Variants in STXBP5L observed in about 807,000 individuals in gnomAD.
The protein encoded by STXBP5L is syntaxin binding protein 5L.
Under a neutral mutation model 144.5 loss-of-function variants are expected in STXBP5L, and 65 were observed. The ratio of observed to expected loss-of-function variants is 0.45; its 90% CI spans 0.37 to 0.55. STXBP5L has a LOEUF of 0.55. Among genes scored for constraint, STXBP5L ranks in the 20% least tolerant of loss-of-function variants. STXBP5L has a pLI of 0.00. For synonymous variants in STXBP5L, 505 were observed against 469.6 expected (o/e 1.08, Z -0.97); for missense variants, 1,298 against 1,405.5 (o/e 0.92, Z 1.22).
intron 18 of STXBP5L, among the ~76,000 whole-genome samples, chr3:121,272,707 G>C (rs113128758): frequency 6.6e-6 from 1 of 152,118 alleles, no homozygotes; most frequent in Non-Finnish European, 1.5e-5. Context: ...TGCTTGCTGT[G>C]TTCCCTTGTG....
chr3:120,967,550 A>G (rs1939749304), intron 3 of STXBP5L, among the ~76,000 whole-genome samples: 1 of 152,044 alleles, frequency 6.6e-6, no homozygotes, highest in Non-Finnish European at 1.5e-5. Flanking sequence ...TTATTTTTTC[A>G]AAACATCATT....
chr3:121,325,864 T>C (rs1443245171), intron 20 of STXBP5L, among the ~76,000 whole-genome samples: 1 of 151,942 alleles, frequency 6.6e-6, no homozygotes, highest in East Asian at 1.9e-4. Flanking sequence ...AAATTATGGC[T>C]AAGAAAAGAT....
At chr3:120,963,275 C>A (rs1002376193) in intron 3 of STXBP5L, among the ~76,000 whole-genome samples, 2 of 152,128 alleles carry the variant, frequency 1.3e-5, no homozygotes, top group African/African-American at 4.8e-5. Flanking sequence ...ATTTCTTTCT[C>A]TTGTTTGATT....
At chr3:121,167,533 T>TCC (rs1402824597) in intron 9 of STXBP5L, among the ~76,000 whole-genome samples, 2 of 152,060 alleles carry the variant, frequency 1.3e-5, no homozygotes, top group Non-Finnish European at 2.9e-5. Flanking sequence ...TAGGCTGTTT[T>TCC]CCCCTCAGAG....
chr3:121,319,476 T>C (rs2043897442), intron 20 of STXBP5L, among the ~76,000 whole-genome samples: 2 of 152,182 alleles, frequency 1.3e-5, no homozygotes, highest in South Asian at 4.1e-4. Context: ...AGGCTATGTA[T>C]AATCTAGTTA....
rs189471869 is a variant in STXBP5L, at chr3:121,185,322, T to C, written c.878-20601T>C. Among the ~76,000 whole-genome samples, 83 of 152,366 alleles carry C rather than the reference T, an allele frequency of 5.4e-4. 3 individuals are homozygous for C. In the East Asian group the frequency reaches 0.012, roughly 23 times the overall value. ...TTTAATTAGATCCCATTTGTCAATT[T>C]TGGCTTTTATTGCCATTGCTTTTGG... On this transcript the variant is annotated intron_variant, in intron 9 of 26. Coordinates refer to ENST00000471454, the MANE Select transcript of STXBP5L (RefSeq NM_001308330.2).
At chr3:120,969,316 ATGTT>A (rs1461058544) in intron 3 of STXBP5L, among the ~76,000 whole-genome samples, 1 of 146,470 alleles carries the variant, frequency 6.8e-6, no homozygotes, top group African/African-American at 2.5e-5. Flanking sequence ...GTTTTTTCAT[ATGTT>A]TGTTGGTTGG....
Position 121,045,533 on chromosome 3 carries a change from A to G in STXBP5L, c.468A>G (p.Glu156=). 5 of 1,608,182 alleles carry G rather than the reference A, an allele frequency of 3.1e-6. No individual in the cohort carries two copies. Among genetic ancestry groups the G allele is most frequent in the South Asian group, 1.1e-5 (1 of 89,308 alleles). ...AILHSLKFNR[E]RITYCHLPFQ... is the part of the protein sequence containing the mutation. ...TCCATTCTCTTAAATTTAACCGGGA[A>G]CGGTAAGAACCTATGAATTAAACAA... The change falls in exon 5 of 27, where the codon GAA becomes GAG. Residue 156 remains glutamate (E), a splice_region_variant and synonymous_variant. Transcript: ENST00000471454.
chr3:121,359,961 G>A (rs1472302119), intron 20 of STXBP5L, among the ~76,000 whole-genome samples: 4 of 59,478 alleles, frequency 6.7e-5, no homozygotes, highest in Non-Finnish European at 1.5e-4. Flanking sequence ...GTCTTTTGTG[G>A]TTATACATAT....
intron 5 of STXBP5L, among the ~76,000 whole-genome samples, chr3:121,067,515 G>A (rs925237121): frequency 6.6e-6 from 1 of 152,130 alleles, no homozygotes; most frequent in Admixed American, 6.5e-5. Flanking sequence ...TTTGACATTT[G>A]TTGAGACTTG....
At chr3:121,268,189 A>T (rs1219262746) in intron 18 of STXBP5L, among the ~76,000 whole-genome samples, 1 of 152,238 alleles carries the variant, frequency 6.6e-6, no homozygotes, top group East Asian at 1.9e-4. Flanking sequence ...CTGGATAAAG[A>T]AAATGTGGCA....
chr3:121,329,797 A>T (rs1006297780), intron 20 of STXBP5L, among the ~76,000 whole-genome samples: 82 of 152,132 alleles, frequency 5.4e-4, no homozygotes, highest in Non-Finnish European at 5.4e-4. Flanking sequence ...GAGGAGGAGG[A>T]TGCAGTGAGC....
At chr3:120,988,455 G>GA (rs1249330279) in intron 3 of STXBP5L, among the ~76,000 whole-genome samples, 4 of 151,802 alleles carry the variant, frequency 2.6e-5, no homozygotes, top group African/African-American at 9.7e-5. Context: ...ATTGTGTTAA[G>GA]AAAAAACACT....
chr3:120,999,249 C>T (rs1283428909), intron 3 of STXBP5L, among the ~76,000 whole-genome samples: 1 of 152,124 alleles, frequency 6.6e-6, no homozygotes, highest in Non-Finnish European at 1.5e-5. Context: ...GATGTGGTTT[C>T]ACCGTGTTGG....
chr3:121,391,537 G>T (rs530054265), intron 22 of STXBP5L, among the ~76,000 whole-genome samples: 1 of 152,234 alleles, frequency 6.6e-6, no homozygotes, highest in Admixed American at 6.5e-5. Context: ...TCTACCTTTG[G>T]TTTTTGATGT....
intron 3 of STXBP5L, among the ~76,000 whole-genome samples, chr3:121,034,885 T>C (rs576215895): frequency 2.8e-4 from 43 of 152,270 alleles, no homozygotes; most frequent in Non-Finnish European, 5.6e-4. Flanking sequence ...GCCAACATGT[T>C]ATTTTTTGAC....
At chr3:121,349,240 T>G (rs1052404015) in intron 20 of STXBP5L, among the ~76,000 whole-genome samples, 2 of 152,270 alleles carry the variant, frequency 1.3e-5, no homozygotes, top group Admixed American at 6.5e-5. Flanking sequence ...AGGAGCAGGT[T>G]GTTCAGTTTC....
At chr3:121,003,630 G>A (rs1215833054) in intron 3 of STXBP5L, among the ~76,000 whole-genome samples, 1 of 152,198 alleles carries the variant, frequency 6.6e-6, no homozygotes, top group Non-Finnish European at 1.5e-5. Flanking sequence ...CCTTGCCCAT[G>A]CCTATGAACT....
At chr3:121,151,247 T>C (rs1006424823) in intron 7 of STXBP5L, among the ~76,000 whole-genome samples, 3 of 152,204 alleles carry the variant, frequency 2.0e-5, no homozygotes, top group Non-Finnish European at 1.5e-5. Context: ...ATGTATTTAG[T>C]TTTGACATTT....
Sources: gnomAD v4.1 joint callset for allele counts (sites outside exome capture counted in the v4.1 genomes callset) on GRCh38, gnomAD v4.1.1 for gene constraint, MANE v1.5 for transcripts, NCBI Gene and HGNC (gene_info 2026-07-23, HGNC 2026-07-21) for gene names.